The following SDAD1 variants were observed in gnomAD, a reference collection of about 807,000 sequenced individuals.
SDAD1 encodes protein SDA1 homolog.
In SDAD1, 79 loss-of-function variants were observed where a neutral mutation model predicts 100.3. The observed-to-expected ratio is 0.79, with a 90% CI of 0.66 to 0.95. SDAD1 has a LOEUF of 0.95. Among genes scored for constraint, SDAD1 ranks in the 40% least tolerant of loss-of-function variants. The pLI is 0.00. For missense variants in SDAD1, 790 were observed against 810.9 expected, an observed-to-expected ratio of 0.97 and a Z score of 0.31; for synonymous variants, 267 against 271.4, an observed-to-expected ratio of 0.98 and a Z score of 0.16.
chr4:75,969,028 C>T (rs1384109486), intron 11 of SDAD1, among the ~76,000 whole-genome samples: 1 of 51,396 alleles, frequency 1.9e-5, no homozygotes. Context: ...GAGACTCTGT[C>T]TCAAAAAAAA....
At chr4:75,962,239 T>C (rs1729285713) in intron 14 of SDAD1, among the ~76,000 whole-genome samples, 2 of 152,270 alleles carry the variant, frequency 1.3e-5, no homozygotes, top group South Asian at 4.1e-4. Flanking sequence ...CATCCTTTTT[T>C]ATGGCTGCAT....
chr4:75,990,653 G>C (rs1403506175), intron 1 of SDAD1, 99 bp downstream of exon 1: 12 of 1,602,274 alleles, frequency 7.5e-6, no homozygotes, highest in Non-Finnish European at 9.3e-6. Flanking sequence ...AGAAGAATAG[G>C]CGGCGAGCCT....
In SDAD1 at chr4:75,977,741, A is replaced by T; in HGVS notation, c.310T>A (p.Leu104Met). 1 of 1,609,714 alleles carries T rather than the reference A, an allele frequency of 6.2e-7. No individual in the cohort carries two copies. The highest frequency in any genetic ancestry group is 8.5e-7 in the Non-Finnish European group (1 of 1,177,192). ...AGATTCTTATTTCTCAGCAAGATCA[A>T]AGCTTTGCAAAATGTCTCGGGAAGG... ...PDLRMTFCKA[L>M]ILLRNKNLIN... Residue 104 changes from leucine (L) to methionine (M), a missense_variant, in exon 4 of 22, where the codon TTG (leucine) becomes ATG (methionine). Physicochemically the swap from Leu to Met is conservative, Grantham distance 15. Transcript: ENST00000356260.
At chr4:75,955,849 C>G in intron 21 of SDAD1, 126 bp downstream of exon 21, 1 of 1,127,284 alleles carries the variant, frequency 8.9e-7, no homozygotes, top group Non-Finnish European at 1.3e-6. Context: ...ACAATGCTCT[C>G]CAACAATGCT....
chr4:75,988,869 C>T (rs554633718), intron 1 of SDAD1, among the ~76,000 whole-genome samples: 20 of 152,320 alleles, frequency 1.3e-4, no homozygotes, highest in Non-Finnish European at 2.6e-4. Flanking sequence ...TCTACCTCCA[C>T]GTAGAACAGC....
intron 1 of SDAD1, among the ~76,000 whole-genome samples, chr4:75,990,532 G>T (rs926189823): frequency 6.6e-6 from 1 of 152,184 alleles, no homozygotes; most frequent in Non-Finnish European, 1.5e-5. Flanking sequence ...CGGCAGCAGG[G>T]CAGGTAGAAA....
chr4:75,981,607 T>C (rs1229517245), intron 2 of SDAD1, 137 bp from the exon 3 acceptor site: 3 of 1,411,404 alleles, frequency 2.1e-6, no homozygotes, highest in Non-Finnish European at 2.9e-6. Context: ...CAACCTTCTT[T>C]TCCTTCTACA....
intron 1 of SDAD1, among the ~76,000 whole-genome samples, chr4:75,986,764 T>C (rs559918138): frequency 1.4e-4 from 22 of 152,312 alleles, no homozygotes; most frequent in Admixed American, 5.9e-4. Flanking sequence ...TGGTGGCTCA[T>C]GCCTGTAATT....
At chr4:75,967,444 T>C (rs1729613793) in intron 11 of SDAD1, 110 bp from the exon 12 acceptor site, 2 of 970,372 alleles carry the variant, frequency 2.1e-6, no homozygotes, top group Middle Eastern at 2.1e-4. Flanking sequence ...ACACTTTTGT[T>C]TTTTTCTCAG....
At chr4:75,957,177 A>G (rs1400437037) in intron 20 of SDAD1, 148 bp downstream of exon 20, 1 of 644,374 alleles carries the variant, frequency 1.6e-6, no homozygotes, top group Non-Finnish European at 2.7e-6. Context: ...CTGAACATCT[A>G]ATATCTGTGC....
Position 75,974,125 on chromosome 4 carries a change from G to C in SDAD1, c.587C>G (p.Ala196Gly), listed in dbSNP as rs774109864. The change falls in exon 7 of 22, where the codon GCA becomes GGA. Residue 196 changes from alanine (A) to glycine (G), a missense_variant. Coordinates refer to ENST00000356260, the MANE Select transcript of SDAD1 (RefSeq NM_018115.4). ...AGTTGTGATAACATTGACAGTTTTT[G>C]CATCATTCCTGGGGGAAGACAATGA... ...ELYRRNIWNDAKTVNVITTAC... is the reference protein window; with the variant it reads ...ELYRRNIWNDGKTVNVITTAC... 4 of 1,613,468 alleles carry C rather than the reference G, an allele frequency of 2.5e-6. No homozygotes were observed. The South Asian group carries it at 4.4e-5, about 18-fold the overall frequency.
chr4:75,988,870 G>A (rs1042800720), intron 1 of SDAD1, among the ~76,000 whole-genome samples: 5 of 151,968 alleles, frequency 3.3e-5, no homozygotes, highest in African/African-American at 1.2e-4. Flanking sequence ...CTACCTCCAC[G>A]TAGAACAGCA....
intron 19 of SDAD1, 23 bp from the exon 20 acceptor site, chr4:75,957,432 C>G (rs1302025390): frequency 1.2e-6 from 2 of 1,613,110 alleles, no homozygotes; most frequent in East Asian, 4.5e-5. Flanking sequence ...AAAAATAACA[C>G]ATGAAACAAG....
At chr4:75,974,209 T>G (rs933102514) in intron 6 of SDAD1, 76 bp from the exon 7 acceptor site, 1 of 1,147,302 alleles carries the variant, frequency 8.7e-7, no homozygotes. Flanking sequence ...TGGCACAAAA[T>G]AAATGATATA....
At chr4:75,965,933 C>T (rs1729513639) in intron 12 of SDAD1, 111 bp from the exon 13 acceptor site, 5 of 799,048 alleles carry the variant, frequency 6.3e-6, no homozygotes, top group South Asian at 1.6e-5. Context: ...CTGCGTATTC[C>T]ACCTGGAACA....
In SDAD1 at chr4:75,964,223, A is replaced by C. The variant is rs771893073; in HGVS notation, c.1105-12T>G. On this transcript the variant is annotated splice_polypyrimidine_tract_variant and intron_variant, in intron 13 of 21. Coordinates refer to ENST00000356260, the MANE Select transcript of SDAD1 (RefSeq NM_018115.4). Reference sequence around the variant, plus strand: ...AATGATTGAATAATCTGAATTGGAAACAAAAAAGAGATGGGTGCTGATTAA... The same window carrying C: ...AATGATTGAATAATCTGAATTGGAACCAAAAAAGAGATGGGTGCTGATTAA... The C allele has an allele frequency of 1.3e-6, 2 of 1,575,640 alleles. No individual in the cohort carries two copies. Among genetic ancestry groups the C allele is most frequent in the Non-Finnish European group, 1.7e-6 (2 of 1,148,304 alleles).
chr4:75,969,272 A>T, intron 11 of SDAD1, 24 bp downstream of exon 11: 1 of 1,564,728 alleles, frequency 6.4e-7, no homozygotes, highest in African/African-American at 1.4e-5. Flanking sequence ...ATATTCACCA[A>T]GAGAAACATA....
In SDAD1 at chr4:75,990,942, G is replaced by A. The variant is rs138471416; in HGVS notation, c.-101C>T. On this transcript the variant is annotated 5_prime_UTR_variant, in exon 1 of 22. Coordinates refer to ENST00000356260, the MANE Select transcript of SDAD1 (RefSeq NM_018115.4). ...CTGCAGCTTGGACTCGTGTTTCCGGGTATGACCGGAAATAGCGCATGGGAC... is the reference window on the plus strand; with the variant it reads ...CTGCAGCTTGGACTCGTGTTTCCGGATATGACCGGAAATAGCGCATGGGAC... The A allele has an allele frequency of 9.9e-4, 1,393 of 1,409,532 alleles. 3 individuals carry two copies. Among genetic ancestry groups the A allele is most frequent in the Non-Finnish European group, 1.2e-3 (1,256 of 1,008,910 alleles). 87.3% of individuals were successfully genotyped at this position (1,409,532 alleles called of 1,614,324 possible).
rs1259483696 is a variant in SDAD1, at chr4:75,977,689, A to G, written c.362T>C (p.Leu121Pro). The G allele has an allele frequency of 1.2e-6, 2 of 1,613,452 alleles. No homozygotes were observed. ...NLINPSSLLE[L>P]FFELFRCHDK... is the part of the protein sequence containing the mutation. The stretch of plus-strand genomic sequence containing the variant: ...ATGGCAACGAAAAAGTTCAAAGAAG[A>G]GTTCTAGCAGGCTTGATGGATTGAT... The change falls in exon 4 of 22, where the codon CTC becomes CCC. Residue 121 changes from leucine to proline, a missense_variant. Leu to Pro is a moderately conservative substitution (Grantham distance 98). Coordinates refer to ENST00000356260, the MANE Select transcript of SDAD1 (RefSeq NM_018115.4).
Sources: gnomAD v4.1 joint callset for allele counts (sites outside exome capture counted in the v4.1 genomes callset) on GRCh38, gnomAD v4.1.1 for gene constraint, MANE v1.5 for transcripts, NCBI Gene and HGNC (gene_info 2026-07-23, HGNC 2026-07-21) for gene names.